The following MECOM variants were observed in gnomAD, a reference collection of about 807,000 sequenced individuals.
MECOM encodes histone-lysine N-methyltransferase MECOM.
Under a neutral mutation model 116.3 loss-of-function variants are expected in MECOM, and 13 were observed. The ratio of observed to expected loss-of-function variants is 0.11; its 90% CI spans 0.07 to 0.18. The LOEUF (loss-of-function observed/expected upper bound fraction) is 0.18, where lower values mean the gene tolerates loss of function less well. Ranked by LOEUF, MECOM falls within the 10% of genes least tolerant of loss-of-function variation. The probability of loss-of-function intolerance (pLI) is 1.00; values close to 1 mark genes in which losing one functional copy is unlikely to be tolerated. For missense variants in MECOM, 1,299 were observed against 1,509.0 expected (o/e 0.86, Z 2.31); for synonymous variants, 528 against 535.2 (o/e 0.99, Z 0.19).
At chr3:169,209,098 G>T (rs1482487813) in intron 2 of MECOM, among the ~76,000 whole-genome samples, 1 of 152,152 alleles carries the variant, frequency 6.6e-6, no homozygotes, top group African/African-American at 2.4e-5. Flanking sequence ...ATGGGGAAAG[G>T]ATTCCCTATT....
At chr3:169,416,608 G>A (rs1482002250) in intron 1 of MECOM, among the ~76,000 whole-genome samples, 2 of 150,186 alleles carry the variant, frequency 1.3e-5, no homozygotes, top group African/African-American at 4.9e-5. Context: ...TTTTAAAAAA[G>A]GATGAACAAA....
chr3:169,261,882 A>G (rs1168911350), intron 2 of MECOM, among the ~76,000 whole-genome samples: 1 of 152,284 alleles, frequency 6.6e-6, no homozygotes, highest in African/African-American at 2.4e-5. Context: ...AAGTACAGAC[A>G]GGCACATTCA....
At chr3:169,284,071 C>G (rs1468133437) in intron 2 of MECOM, among the ~76,000 whole-genome samples, 5 of 152,208 alleles carry the variant, frequency 3.3e-5, no homozygotes, top group African/African-American at 1.2e-4. Flanking sequence ...TTCAGGTGCA[C>G]AGGCCAATTG....
chr3:169,154,746 A>G (rs1361487749), intron 2 of MECOM, among the ~76,000 whole-genome samples: 1 of 152,232 alleles, frequency 6.6e-6, no homozygotes, highest in Non-Finnish European at 1.5e-5. Flanking sequence ...GATATAGTCA[A>G]TAGAAAATAG....
At chr3:169,220,151 A>G (rs1386531326) in intron 2 of MECOM, among the ~76,000 whole-genome samples, 1 of 151,824 alleles carries the variant, frequency 6.6e-6, no homozygotes, top group East Asian at 1.9e-4. Context: ...ATACAATGAA[A>G]CCCTGTCTCT....
At chr3:169,534,076 G>T (rs1759013827) in intron 1 of MECOM, among the ~76,000 whole-genome samples, 1 of 152,160 alleles carries the variant, frequency 6.6e-6, no homozygotes, top group Admixed American at 6.5e-5. Context: ...GATACCTAGA[G>T]TGCTTCCACT....
At chr3:169,514,310 AGAG>A (rs373905228) in intron 1 of MECOM, among the ~76,000 whole-genome samples, 1,309 of 128,968 alleles carry the variant, frequency 0.01, 15 homozygotes, top group South Asian at 0.028. Flanking sequence ...CAAAAAAAAA[AGAG>A]AGAGAGAGAC....
intron 2 of MECOM, among the ~76,000 whole-genome samples, chr3:169,261,439 C>T (rs140099680): frequency 0.016 from 2,404 of 152,236 alleles, 62 homozygotes; most frequent in African/African-American, 0.055. Context: ...TGGCTCATGC[C>T]TGTAATCCCA....
chr3:169,086,902 T>C (rs2148822324), intron 16 of MECOM, among the ~76,000 whole-genome samples: 1 of 152,290 alleles, frequency 6.6e-6, no homozygotes, highest in South Asian at 2.1e-4. Context: ...TGCCTTTTGG[T>C]AATCAAAGGA....
At chr3:169,148,352 TTAA>T (rs1309090799) in intron 2 of MECOM, among the ~76,000 whole-genome samples, 1 of 152,204 alleles carries the variant, frequency 6.6e-6, no homozygotes, top group Non-Finnish European at 1.5e-5. Context: ...TATCCTATGT[TTAA>T]TAACTTTCTA....
intron 2 of MECOM, among the ~76,000 whole-genome samples, chr3:169,364,386 G>A (rs185485431): frequency 2.0e-5 from 3 of 151,974 alleles, no homozygotes; most frequent in East Asian, 3.9e-4. Flanking sequence ...TATTAAACTT[G>A]TTTATTACAG....
intron 1 of MECOM, among the ~76,000 whole-genome samples, chr3:169,554,921 C>T (rs1761855237): frequency 6.6e-6 from 1 of 152,212 alleles, no homozygotes; most frequent in Admixed American, 6.5e-5. Flanking sequence ...TGGTTGACTC[C>T]AGTGCCCTTG....
intron 2 of MECOM, among the ~76,000 whole-genome samples, chr3:169,261,291 G>A (rs1757501001): frequency 1.3e-5 from 2 of 151,884 alleles, no homozygotes; most frequent in Non-Finnish European, 2.9e-5. Context: ...AAAATACATG[G>A]AGCACTATAT....
chr3:169,415,637 T>C (rs1738441878), intron 1 of MECOM, among the ~76,000 whole-genome samples: 1 of 151,264 alleles, frequency 6.6e-6, no homozygotes, highest in Non-Finnish European at 1.5e-5. Context: ...AGGAGACCCA[T>C]CTCATATGCA....
At chr3:169,094,892 T>A (rs1316828841) in intron 13 of MECOM, among the ~76,000 whole-genome samples, 184 bp downstream of exon 13, 5 of 152,236 alleles carry the variant, frequency 3.3e-5, no homozygotes, top group Admixed American at 3.3e-4. Context: ...CACTGAATTA[T>A]AAATTAATGA....
chr3:169,223,430 C>A (rs1044430181), intron 2 of MECOM, among the ~76,000 whole-genome samples: 1 of 151,662 alleles, frequency 6.6e-6, no homozygotes, highest in African/African-American at 2.4e-5. Context: ...ATGATGGTTT[C>A]TAGCTTCATC....
intron 2 of MECOM, among the ~76,000 whole-genome samples, chr3:169,232,646 T>C (rs966312586): frequency 8.9e-4 from 28 of 31,592 alleles, no homozygotes; most frequent in African/African-American, 2.6e-3. Flanking sequence ...ATTTGTAAAA[T>C]ATATATATAT....
At chr3:169,201,281 GTGTA>G (rs1187179807) in intron 2 of MECOM, among the ~76,000 whole-genome samples, 1 of 128,156 alleles carries the variant, frequency 7.8e-6, no homozygotes, top group Non-Finnish European at 1.7e-5. Flanking sequence ...GTGTGTGTGT[GTGTA>G]GACAAAATAA....
intron 1 of MECOM, among the ~76,000 whole-genome samples, chr3:169,487,978 A>C (rs1027792825): frequency 3.2e-4 from 48 of 152,220 alleles, no homozygotes; most frequent in African/African-American, 1.2e-3. Flanking sequence ...AGTGTTTGGA[A>C]TTTATAGGCA....
Sources: allele counts gnomAD v4.1 joint callset (sites outside exome capture counted in the v4.1 genomes callset), GRCh38; gene constraint gnomAD v4.1.1; transcripts MANE v1.5; gene names NCBI Gene and HGNC (gene_info 2026-07-23, HGNC 2026-07-21).